The following PLXDC2 variants were observed in gnomAD, a reference collection of about 807,000 sequenced individuals.
PLXDC2 encodes the protein plexin domain containing 2.
A neutral mutation model predicts 68.9 loss-of-function variants in PLXDC2; 40 were observed. The ratio of observed to expected loss-of-function variants is 0.58; its 90% CI spans 0.45 to 0.76. The LOEUF (loss-of-function observed/expected upper bound fraction) is 0.76, where lower values mean the gene tolerates loss of function less well. PLXDC2 is among the 30% of genes least tolerant of loss of function. The pLI, the probability that PLXDC2 is intolerant of heterozygous loss-of-function variation, is 0.00. For missense variants in PLXDC2, 644 were observed against 661.9 expected (o/e 0.97, Z 0.30); for synonymous variants, 243 against 234.2 (o/e 1.04, Z -0.34).
At chr10:19,947,560 G>A (rs1304837831) in intron 1 of PLXDC2, among the ~76,000 whole-genome samples, 1 of 151,422 alleles carries the variant, frequency 6.6e-6, no homozygotes, top group Non-Finnish European at 1.5e-5. Context: ...AATATTATTA[G>A]ATCCACATTT....
At chr10:19,952,204 G>A (rs1348647065) in intron 1 of PLXDC2, among the ~76,000 whole-genome samples, 1 of 152,048 alleles carries the variant, frequency 6.6e-6, no homozygotes, top group Admixed American at 6.6e-5. Flanking sequence ...AAAACAAAGT[G>A]GTATTTTCTT....
At chr10:20,217,996 A>G (rs771485163) in intron 11 of PLXDC2, among the ~76,000 whole-genome samples, 1 of 152,170 alleles carries the variant, frequency 6.6e-6, no homozygotes, top group Non-Finnish European at 1.5e-5. Flanking sequence ...TTCTATTAAT[A>G]TATAATTCTA....
intron 2 of PLXDC2, among the ~76,000 whole-genome samples, chr10:20,039,543 T>C (rs1256092824): frequency 6.6e-6 from 1 of 152,208 alleles, no homozygotes; most frequent in Non-Finnish European, 1.5e-5. Flanking sequence ...GGATTCTTTT[T>C]TGAGAACTTT....
At chr10:20,246,211 G>A (rs1469964387) in intron 13 of PLXDC2, among the ~76,000 whole-genome samples, 2 of 152,234 alleles carry the variant, frequency 1.3e-5, no homozygotes, top group Non-Finnish European at 2.9e-5. Context: ...TGCATAAGGA[G>A]CCATGGCTAA....
At chr10:19,893,023 A>T (rs1311472129) in intron 1 of PLXDC2, among the ~76,000 whole-genome samples, 4 of 150,698 alleles carry the variant, frequency 2.7e-5, no homozygotes, top group Non-Finnish European at 5.9e-5. Context: ...ATCTAGATTT[A>T]CTTTATATTA....
chr10:19,998,094 A>G (rs553430462), intron 1 of PLXDC2, among the ~76,000 whole-genome samples: 8 of 152,316 alleles, frequency 5.3e-5, no homozygotes, highest in African/African-American at 1.9e-4. Flanking sequence ...AAAGCAAACA[A>G]TCTGTTCAGC....
At chr10:19,844,970 C>T (rs1319842023) in intron 1 of PLXDC2, among the ~76,000 whole-genome samples, 1 of 152,120 alleles carries the variant, frequency 6.6e-6, no homozygotes, top group Non-Finnish European at 1.5e-5. Context: ...AGTTTTGGTT[C>T]AGGATCTAAT....
chr10:20,287,988 G>GGAGA lies in PLXDC2; in HGVS notation c.*8170_*8171insAGAG, dbSNP rs1554781451. ...TGGGCACTTCTTGCGGCGGGGGAGG[G>GGAGA]GGGGGGGGCGGTGGCTTTCCAGATT... On this transcript the variant is annotated 3_prime_UTR_variant, in exon 14 of 14. Transcript: ENST00000377252. 1 of 91,492 alleles carries GGAGA rather than the reference G, an allele frequency of 1.1e-5. No individual in the cohort carries two copies. The highest frequency in any genetic ancestry group is 2.1e-5 in the Non-Finnish European group (1 of 48,714). The allele number at this position is 91,492 out of a possible 1,614,324, so 5.7% of individuals were successfully genotyped here. A position where few individuals can be genotyped will look rare whatever the true frequency, so the allele number is the denominator to read the frequency against.
chr10:19,988,882 G>A (rs556211837), intron 1 of PLXDC2, among the ~76,000 whole-genome samples: 48 of 126,004 alleles, frequency 3.8e-4, no homozygotes, highest in Admixed American at 9.1e-4. Flanking sequence ...TGCAACCTCC[G>A]CCTCCCCCGT....
chr10:20,159,083 T>C (rs1834256414), intron 6 of PLXDC2, among the ~76,000 whole-genome samples: 1 of 152,154 alleles, frequency 6.6e-6, no homozygotes, highest in African/African-American at 2.4e-5. Context: ...TCTACAAAAT[T>C]TTAATGGAGA....
chr10:19,891,463 T>C (rs1298633527), intron 1 of PLXDC2, among the ~76,000 whole-genome samples: 1 of 152,234 alleles, frequency 6.6e-6, no homozygotes, highest in Non-Finnish European at 1.5e-5. Context: ...GATTGTGCTA[T>C]AGAGTTTTGA....
rs185556218 is a variant in PLXDC2 at position 20,050,588 on chromosome 10, C to G, written c.471+3573C>G. On this transcript the variant is annotated intron_variant, in intron 3 of 13. Transcript: ENST00000377252. ...CAAAAGAAGACATACGTGCAGCCAA[C>G]AAGCATATGAAAAAAAGCTCAATAT... Among the ~76,000 whole-genome samples, 158 of 151,626 alleles carry G rather than the reference C, an allele frequency of 1.0e-3. 1 individual carries two copies. In the East Asian group the frequency reaches 0.02, roughly 20 times the overall value.
Position 20,285,033 on chromosome 10 carries a change from T to A in PLXDC2, c.*5214T>A, listed in dbSNP as rs1052054399. 1 of 152,214 alleles carries A rather than the reference T, an allele frequency of 6.6e-6. No individual in the cohort carries two copies. Among genetic ancestry groups the A allele is most frequent in the African/African-American group, 2.4e-5 (1 of 41,458 alleles). The allele number at this position is 152,214 out of a possible 1,614,324, so 9.4% of individuals were successfully genotyped here. A position where few individuals can be genotyped will look rare whatever the true frequency, so the allele number is the denominator to read the frequency against. ...TACAATTTATTTTGGCCATTTAAAATTTTTCTGCCTTTGTTTTATTTCTTC... is the reference window on the plus strand; with the variant it reads ...TACAATTTATTTTGGCCATTTAAAAATTTTCTGCCTTTGTTTTATTTCTTC... On this transcript the variant is annotated 3_prime_UTR_variant, in exon 14 of 14. Transcript: ENST00000377252.
chr10:20,058,388 G>A (rs552905419), intron 3 of PLXDC2, among the ~76,000 whole-genome samples: 31 of 152,230 alleles, frequency 2.0e-4, no homozygotes, highest in Non-Finnish European at 3.7e-4. Context: ...CAACTGTGAG[G>A]TTTAACATTG....
chr10:20,164,765 CAAATT>C (rs1564339006), intron 7 of PLXDC2, among the ~76,000 whole-genome samples, 198 bp downstream of exon 7: 1 of 152,098 alleles, frequency 6.6e-6, no homozygotes, highest in African/African-American at 2.4e-5. Flanking sequence ...CAGGTAAAGA[CAAATT>C]AAATAGTGAA....
chr10:19,926,223 A>G (rs1833535424), intron 1 of PLXDC2, among the ~76,000 whole-genome samples: 1 of 152,188 alleles, frequency 6.6e-6, no homozygotes, highest in South Asian at 2.1e-4. Context: ...CTATCATCCC[A>G]TGGTATAAAA....
intron 2 of PLXDC2, among the ~76,000 whole-genome samples, chr10:20,026,239 T>A (rs1392329728): frequency 1.3e-5 from 2 of 152,120 alleles, no homozygotes; most frequent in East Asian, 3.9e-4. Context: ...TTTTTTTTTA[T>A]ATTGCTGGCT....
At chr10:20,059,296 G>A (rs1836057000) in intron 3 of PLXDC2, among the ~76,000 whole-genome samples, 1 of 151,374 alleles carries the variant, frequency 6.6e-6, no homozygotes, top group South Asian at 2.1e-4. Context: ...TTCTGCCTGA[G>A]TTGTAAATAT....
chr10:19,837,409 A>AGAGT (rs1334263958), intron 1 of PLXDC2, among the ~76,000 whole-genome samples: 6 of 82,600 alleles, frequency 7.3e-5, no homozygotes, highest in East Asian at 4.3e-4. Context: ...AGAGAGAGAG[A>AGAGT]GTGTGTGTGT....
Sources: allele counts gnomAD v4.1 joint callset (sites outside exome capture counted in the v4.1 genomes callset), GRCh38; gene constraint gnomAD v4.1.1; transcripts MANE v1.5; gene names NCBI Gene and HGNC (gene_info 2026-07-23, HGNC 2026-07-21).